Variants in TMEM213 observed in about 807,000 individuals in gnomAD.
TMEM213 encodes transmembrane protein 213.
A neutral mutation model predicts 11.6 loss-of-function variants in TMEM213; 7 were observed. The observed-to-expected ratio is 0.60, with a 90% CI of 0.34 to 1.13. The LOEUF (loss-of-function observed/expected upper bound fraction) is 1.13. Among genes scored for constraint, TMEM213 ranks in the 50% most tolerant of loss-of-function variants. The probability of loss-of-function intolerance (pLI) is 0.03; values close to 1 mark genes in which losing one functional copy is unlikely to be tolerated. For synonymous variants in TMEM213, 60 were observed against 58.3 expected (o/e 1.03, Z -0.13); for missense variants, 129 against 139.0 (o/e 0.93, Z 0.36).
At chr7:138,798,283 T>C in intron 1 of TMEM213, 97 bp downstream of exon 1, 1 of 984,934 alleles carries the variant, frequency 1.0e-6, no homozygotes, top group East Asian at 5.9e-5. Flanking sequence ...GAAGATTCTT[T>C]GGCCAGGGTT....
At chr7:138,798,673 C>A (rs1808815557) in intron 1 of TMEM213, among the ~76,000 whole-genome samples, 1 of 152,134 alleles carries the variant, frequency 6.6e-6, no homozygotes, top group Non-Finnish European at 1.5e-5. Flanking sequence ...TTCACAAAAC[C>A]TGACTGCCAG....
In TMEM213 at chr7:138,803,032, A is replaced by G. The variant is rs372693153; in HGVS notation, c.287A>G (p.Lys96Arg). Residue 96 changes from lysine (K) to arginine (R), a missense_variant, in exon 3 of 3, where the codon AAG becomes AGG. By Grantham distance (26) the Lys-to-Arg change is conservative. Coordinates refer to ENST00000442682, the MANE Select transcript of TMEM213 (RefSeq NM_001085429.2). The stretch of plus-strand genomic sequence containing the variant: ...CTGCTCTGTGTGGACAAACTGATGA[A>G]GCTGACTCCAGATGAGCCCAAGGAC... ...LILLCVDKLM[K>R]LTPDEPKDLQ... The G allele has an allele frequency of 3.7e-6, 6 of 1,613,674 alleles. No individual in the cohort carries two copies. In the Admixed American group the frequency reaches 1.0e-4, roughly 27 times the overall value.
chr7:138,798,206 T>A lies in TMEM213; in HGVS notation c.82+20T>A, dbSNP rs1808788444. On this transcript the variant is annotated intron_variant, in intron 1 of 2. Coordinates refer to ENST00000442682, the MANE Select transcript of TMEM213 (RefSeq NM_001085429.2). Reference sequence around the variant, plus strand: ...CGGCAGGTAGCGTTATGAGCTTTATTCATGGCCAGGCTGGGAAGGGGGAGG... The same window carrying A: ...CGGCAGGTAGCGTTATGAGCTTTATACATGGCCAGGCTGGGAAGGGGGAGG... The A allele has an allele frequency of 1.5e-5, 23 of 1,572,116 alleles. No individual in the cohort carries two copies. Among genetic ancestry groups the A allele is most frequent in the Non-Finnish European group, 1.9e-5 (22 of 1,157,782 alleles).
Position 138,803,270 on chromosome 7 carries a change from T to A in TMEM213, c.*201T>A. 1.6e-6 allele frequency: 1 copy of A among 612,752 alleles called. No homozygotes were observed. The allele number at this position is 612,752 out of a possible 1,614,324, so 38.0% of individuals were successfully genotyped here. On this transcript the variant is annotated 3_prime_UTR_variant, in exon 3 of 3. Transcript: ENST00000442682. ...CTTGCATGTCACTCCCAAGGGCCCC[T>A]GGGCTGTGCCCAGGTAACTCCTCTC...
At position 138,801,108 on chromosome 7, in the gene TMEM213, TG is replaced by T. The variant is rs1808929447; in HGVS notation, c.83-215del. Among the ~76,000 whole-genome samples, 4 of 152,104 alleles carry T rather than the reference TG, an allele frequency of 2.6e-5. No individual in the cohort carries two copies. The South Asian group carries it at 8.3e-4, about 32-fold the overall frequency. On this transcript the variant is annotated intron_variant, in intron 1 of 2. Coordinates refer to ENST00000442682, the MANE Select transcript of TMEM213 (RefSeq NM_001085429.2). ...GTCCCATCTCCAAATACAATCACATTGGGGTTAGGACTTCAATATATGAAAC... is the reference window on the plus strand; with the variant it reads ...GTCCCATCTCCAAATACAATCACATTGGGTTAGGACTTCAATATATGAAAC...
In TMEM213 at chr7:138,803,262, A is replaced by G. The variant is rs2130269153; in HGVS notation, c.*193A>G. On this transcript the variant is annotated 3_prime_UTR_variant, in exon 3 of 3. Coordinates refer to ENST00000442682, the MANE Select transcript of TMEM213 (RefSeq NM_001085429.2). ...GTGCTGCCCTTGCATGTCACTCCCAAGGGCCCCTGGGCTGTGCCCAGGTAA... is the reference window on the plus strand; with the variant it reads ...GTGCTGCCCTTGCATGTCACTCCCAGGGGCCCCTGGGCTGTGCCCAGGTAA... 1.5e-6 allele frequency: 1 copy of G among 669,918 alleles called. No homozygotes were observed. The highest frequency in any genetic ancestry group is 2.8e-5 in the East Asian group (1 of 35,112). The allele number at this position is 669,918 out of a possible 1,614,324, so 41.5% of individuals were successfully genotyped here.
chr7:138,803,016 G>A lies in TMEM213; in HGVS notation c.271G>A (p.Val91Met). The change falls in exon 3 of 3, where the codon GTG becomes ATG. Residue 91 changes from valine (V) to methionine (M), a missense_variant. Coordinates refer to ENST00000442682, the MANE Select transcript of TMEM213 (RefSeq NM_001085429.2). ...GTTCCTCACCCTCATCCTGCTCTGT[G>A]TGGACAAACTGATGAAGCTGACTCC... is the stretch of plus-strand genomic sequence containing the variant. ...LWFLTLILLCVDKLMKLTPDE... is the reference protein window; with the variant it reads ...LWFLTLILLCMDKLMKLTPDE... The A allele has an allele frequency of 2.5e-6, 4 of 1,613,830 alleles. No homozygotes were observed. The highest frequency in any genetic ancestry group is 3.4e-6 in the Non-Finnish European group (4 of 1,179,896).
chr7:138,798,432 G>C, intron 1 of TMEM213: 1 of 548,384 alleles, frequency 1.8e-6, no homozygotes, highest in Non-Finnish European at 3.3e-6. Context: ...AGCTAAGGCA[G>C]GAGCAGCCAC....
intron 1 of TMEM213, 24 bp downstream of exon 1, chr7:138,798,210 G>T (rs1415453988): frequency 6.4e-7 from 1 of 1,564,780 alleles, no homozygotes. Flanking sequence ...CTTTATTCAT[G>T]GCCAGGCTGG....
intron 1 of TMEM213, among the ~76,000 whole-genome samples, chr7:138,800,291 C>T (rs1160304676): frequency 2.0e-5 from 3 of 152,112 alleles, no homozygotes; most frequent in Non-Finnish European, 4.4e-5. Context: ...CCACAGGTGG[C>T]TAGTGGCTGC....
In TMEM213 at chr7:138,803,052, A is replaced by G. The variant is rs948692098; in HGVS notation, c.307A>G (p.Lys103Glu). 1 of 1,613,430 alleles carries G rather than the reference A, an allele frequency of 6.2e-7. No homozygotes were observed. Among genetic ancestry groups the G allele is most frequent in the Non-Finnish European group, 8.5e-7 (1 of 1,179,790 alleles). The change falls in exon 3 of 3, where the codon AAG (lysine) becomes GAG (glutamate). Residue 103 changes from lysine (K) to glutamate (E), a missense_variant. Lys to Glu is a moderately conservative substitution (Grantham distance 56, BLOSUM62 1). Transcript: ENST00000442682. Reference sequence around the variant, plus strand: ...GATGAAGCTGACTCCAGATGAGCCCAAGGACTTGCAAGCGTGAGACCCAGG... The same window carrying G: ...GATGAAGCTGACTCCAGATGAGCCCGAGGACTTGCAAGCGTGAGACCCAGG... Reference protein sequence around the residue: ...KLMKLTPDEPKDLQA With the variant: ...KLMKLTPDEPEDLQA
chr7:138,802,415 G>A (rs1463397607), intron 2 of TMEM213, among the ~76,000 whole-genome samples: 1 of 152,004 alleles, frequency 6.6e-6, no homozygotes, highest in Non-Finnish European at 1.5e-5. Flanking sequence ...GCTGGGTGTG[G>A]TGGTGCGTGC....
intron 2 of TMEM213, among the ~76,000 whole-genome samples, chr7:138,802,589 T>G (rs1808983651): frequency 6.7e-6 from 1 of 149,270 alleles, no homozygotes; most frequent in Non-Finnish European, 1.5e-5. Flanking sequence ...TATTAGGGAA[T>G]AATACATAGA....
intron 1 of TMEM213, among the ~76,000 whole-genome samples, chr7:138,800,686 C>T (rs1335944397): frequency 4.8e-5 from 4 of 84,036 alleles, no homozygotes; most frequent in East Asian, 9.6e-4. Context: ...GTTTCTTCTT[C>T]TTCTTCTTCT....
At position 138,798,049 on chromosome 7, in the gene TMEM213, G is replaced by C; in HGVS notation, c.-56G>C. On this transcript the variant is annotated 5_prime_UTR_variant, in exon 1 of 3. Transcript: ENST00000442682. The stretch of plus-strand genomic sequence containing the variant: ...GTCGACTCACCTGCAGCAGGCACTC[G>C]GCACAACTCCGCAGGACCGGCTCAC... The C allele has an allele frequency of 1.3e-6, 2 of 1,558,988 alleles. No homozygotes were observed. Among genetic ancestry groups the C allele is most frequent in the Non-Finnish European group, 1.7e-6 (2 of 1,151,606 alleles).
chr7:138,801,403 G>A lies in TMEM213; in HGVS notation c.154+5G>A. On this transcript the variant is annotated splice_donor_5th_base_variant and intron_variant, in intron 2 of 2. Coordinates refer to ENST00000442682, the MANE Select transcript of TMEM213 (RefSeq NM_001085429.2). ...GGACCCTGGAGCAGTGCCTCAGTAA[G>A]CTTCTCCTGCCAACTGCTCTAACCC... is the stretch of plus-strand genomic sequence containing the variant. 1.2e-6 allele frequency: 2 copies of A among 1,604,334 alleles called. No homozygotes were observed. Among genetic ancestry groups the A allele is most frequent in the South Asian group, 1.1e-5 (1 of 88,948 alleles).
In TMEM213 at chr7:138,805,600, C is replaced by T. The variant is rs1021056315; in HGVS notation, c.*2531C>T. ...ATTTAAAAAATATAACAGTGTGTGA[C>T]GTAGCAGTGAGAGTACTATCTTTTT... On this transcript the variant is annotated 3_prime_UTR_variant, in exon 3 of 3. Coordinates refer to ENST00000442682, the MANE Select transcript of TMEM213 (RefSeq NM_001085429.2). 11 of 152,008 alleles carry T rather than the reference C, an allele frequency of 7.2e-5. 1 individual carries two copies. The highest frequency in any genetic ancestry group is 1.7e-4 in the African/African-American group (7 of 41,364). The allele number at this position is 152,008 out of a possible 1,614,324, so 9.4% of individuals were successfully genotyped here. A position where few individuals can be genotyped will look rare whatever the true frequency, so the allele number is the denominator to read the frequency against.
In TMEM213 at chr7:138,806,706, T is replaced by C. The variant is rs541161492; in HGVS notation, c.*3637T>C. On this transcript the variant is annotated 3_prime_UTR_variant, in exon 3 of 3. Coordinates refer to ENST00000442682, the MANE Select transcript of TMEM213 (RefSeq NM_001085429.2). ...TATGTAACACAGAGTCCATATTATA[T>C]GGGGCATGTCTGTATCAAAATGTCA... The C allele has an allele frequency of 6.6e-6, 1 of 152,348 alleles. No homozygotes were observed. Among genetic ancestry groups the C allele is most frequent in the Admixed American group, 6.5e-5 (1 of 15,292 alleles). 9.4% of individuals were successfully genotyped at this position (152,348 alleles called of 1,614,324 possible).
In TMEM213 at chr7:138,803,783, A is replaced by AAG. The variant is rs1037387536; in HGVS notation, c.*715_*716insGA. The AAG allele has an allele frequency of 1.6e-4, 24 of 146,010 alleles. No homozygotes were observed. Among genetic ancestry groups the AAG allele is most frequent in the African/African-American group, 5.6e-4 (22 of 39,374 alleles). 9.0% of individuals were successfully genotyped at this position (146,010 alleles called of 1,614,324 possible). On this transcript the variant is annotated 3_prime_UTR_variant, in exon 3 of 3. Transcript: ENST00000442682. ...GCAGAGCAAGACTCTGTATCAGAAAAAAAAAAAAAAAAAAGAATGTGAGGA... is the reference window on the plus strand; with the variant it reads ...GCAGAGCAAGACTCTGTATCAGAAAAAGAAAAAAAAAAAAAAGAATGTGAGGA...
Sources: gnomAD v4.1 joint callset for allele counts (sites outside exome capture counted in the v4.1 genomes callset) on GRCh38, gnomAD v4.1.1 for gene constraint, MANE v1.5 for transcripts, NCBI Gene and HGNC (gene_info 2026-07-23, HGNC 2026-07-21) for gene names.